MYO1D: variants seen among roughly 807,000 people sequenced by gnomAD.
The protein encoded by MYO1D is myosin ID, also known as unconventional myosin-Id.
In MYO1D, 83 loss-of-function variants were observed where a neutral mutation model predicts 122.0. The ratio of observed to expected loss-of-function variants is 0.68; its 90% CI spans 0.57 to 0.82. The LOEUF (loss-of-function observed/expected upper bound fraction) is 0.82, where lower values mean the gene tolerates loss of function less well. MYO1D is among the 40% of genes least tolerant of loss of function. The pLI, the probability that MYO1D is intolerant of heterozygous loss-of-function variation, is 0.00. For missense variants in MYO1D, 1,157 were observed against 1,269.5 expected (o/e 0.91, Z 1.35); for synonymous variants, 464 against 446.9 (o/e 1.04, Z -0.48).
At chr17:32,522,817 T>C (rs1910194192) in intron 21 of MYO1D, among the ~76,000 whole-genome samples, 1 of 93,510 alleles carries the variant, frequency 1.1e-5, no homozygotes, top group Non-Finnish European at 2.1e-5. Flanking sequence ...GTCCCCCATG[T>C]CTTTTTTTTT....
At chr17:32,822,878 T>C (rs1021855531) in intron 1 of MYO1D, among the ~76,000 whole-genome samples, 1 of 151,778 alleles carries the variant, frequency 6.6e-6, no homozygotes, top group East Asian at 1.9e-4. Context: ...GCATACCTAA[T>C]GTAAATGACG....
chr17:32,874,814 C>CA (rs2091215162), intron 1 of MYO1D, among the ~76,000 whole-genome samples: 1 of 152,012 alleles, frequency 6.6e-6, no homozygotes, highest in South Asian at 2.1e-4. Flanking sequence ...CTTCTGTACA[C>CA]ATAGGAGTTG....
chr17:32,642,637 C>T (rs2088219428), intron 19 of MYO1D, among the ~76,000 whole-genome samples: 1 of 152,124 alleles, frequency 6.6e-6, no homozygotes, highest in Non-Finnish European at 1.5e-5. Context: ...TTGAAGAGGT[C>T]CTTCACAACC....
intron 1 of MYO1D, among the ~76,000 whole-genome samples, chr17:32,840,774 T>C (rs1157667285): frequency 6.6e-6 from 1 of 152,188 alleles, no homozygotes. Flanking sequence ...CTGTGGTTGG[T>C]CCAGCTTGAG....
At chr17:32,798,533 C>A (rs1002227712) in intron 1 of MYO1D, among the ~76,000 whole-genome samples, 1 of 152,106 alleles carries the variant, frequency 6.6e-6, no homozygotes, top group Non-Finnish European at 1.5e-5. Context: ...TCTGGAGGCA[C>A]GTGGAACTTC....
At chr17:32,720,865 T>G (rs1015086834) in intron 15 of MYO1D, among the ~76,000 whole-genome samples, 158 bp downstream of exon 15, 1 of 152,222 alleles carries the variant, frequency 6.6e-6, no homozygotes, top group African/African-American at 2.4e-5. Flanking sequence ...GGGACTCATG[T>G]TGAAACTGGG....
At chr17:32,743,495 T>C (rs1431871624) in intron 13 of MYO1D, among the ~76,000 whole-genome samples, 2 of 152,122 alleles carry the variant, frequency 1.3e-5, no homozygotes, top group African/African-American at 4.8e-5. Flanking sequence ...ACACCACACA[T>C]TGTCTCTACC....
At chr17:32,733,837 A>G (rs1252913063) in intron 14 of MYO1D, among the ~76,000 whole-genome samples, 1 of 151,996 alleles carries the variant, frequency 6.6e-6, no homozygotes, top group African/African-American at 2.4e-5. Flanking sequence ...TGATTTTTAT[A>G]TTTTATCTAA....
At chr17:32,688,193 G>A (rs974689295) in intron 16 of MYO1D, among the ~76,000 whole-genome samples, 1 of 152,136 alleles carries the variant, frequency 6.6e-6, no homozygotes, top group African/African-American at 2.4e-5. Flanking sequence ...ACTCAAGAAA[G>A]CACGTATAAA....
chr17:32,580,572 G>C (rs2087328578), intron 21 of MYO1D, among the ~76,000 whole-genome samples: 1 of 151,754 alleles, frequency 6.6e-6, no homozygotes, highest in Non-Finnish European at 1.5e-5. Context: ...ACCAGGCCCA[G>C]CTAATTTTTT....
At chr17:32,574,879 C>A (rs2087264757) in intron 21 of MYO1D, among the ~76,000 whole-genome samples, 1 of 152,178 alleles carries the variant, frequency 6.6e-6, no homozygotes, top group Non-Finnish European at 1.5e-5. Context: ...GTGCTCGCCA[C>A]TTGCTAGCTG....
At chr17:32,815,406 T>A (rs1176993249) in intron 1 of MYO1D, among the ~76,000 whole-genome samples, 3 of 152,204 alleles carry the variant, frequency 2.0e-5, no homozygotes, top group African/African-American at 7.2e-5. Flanking sequence ...GTAGAAGAAA[T>A]CATTCCAAAC....
chr17:32,494,937 G>A (rs199914405), intron 21 of MYO1D, 22 bp from the exon 22 acceptor site: 12 of 1,576,044 alleles, frequency 7.6e-6, no homozygotes, highest in Admixed American at 1.8e-5. Flanking sequence ...AAAAACACCA[G>A]ACGGGCAGTT....
intron 1 of MYO1D, among the ~76,000 whole-genome samples, chr17:32,848,302 G>C (rs1367404231): frequency 6.6e-6 from 1 of 152,162 alleles, no homozygotes; most frequent in Non-Finnish European, 1.5e-5. Flanking sequence ...GACCCTCCTT[G>C]TTCTTAGGAA....
intron 14 of MYO1D, among the ~76,000 whole-genome samples, chr17:32,724,179 CT>C (rs2089544580): frequency 6.6e-6 from 1 of 152,124 alleles, no homozygotes. Context: ...AATGCCTTTA[CT>C]TTTTGGTGAA....
chr17:32,762,168 G>A (rs942898019), intron 8 of MYO1D, among the ~76,000 whole-genome samples: 9 of 151,958 alleles, frequency 5.9e-5, no homozygotes, highest in African/African-American at 2.2e-4. Context: ...AGAGAGGAGA[G>A]AAGAGCAGTC....
intron 19 of MYO1D, among the ~76,000 whole-genome samples, chr17:32,644,744 T>C (rs181437564): frequency 3.3e-5 from 5 of 152,240 alleles, no homozygotes; most frequent in Admixed American, 3.3e-4. Flanking sequence ...AACCCCTGCC[T>C]TTTTTTGTTT....
intron 14 of MYO1D, among the ~76,000 whole-genome samples, chr17:32,726,620 T>C (rs980152513): frequency 2.0e-5 from 3 of 149,600 alleles, no homozygotes; most frequent in Non-Finnish European, 3.0e-5. Flanking sequence ...ATATAATAGA[T>C]ATAGATATTA....
chr17:32,624,649 G>A (rs1056226245), intron 20 of MYO1D, among the ~76,000 whole-genome samples: 8 of 152,014 alleles, frequency 5.3e-5, no homozygotes, highest in African/African-American at 1.9e-4. Flanking sequence ...TTTCTTCTTT[G>A]AGGAGGCAGG....
Sources: allele counts gnomAD v4.1 joint callset (sites outside exome capture counted in the v4.1 genomes callset), GRCh38; gene constraint gnomAD v4.1.1; transcripts MANE v1.5; gene names NCBI Gene and HGNC (gene_info 2026-07-23, HGNC 2026-07-21).